The following NAALADL2 variants were observed in gnomAD, a reference collection of about 807,000 sequenced individuals.
The protein encoded by NAALADL2 is inactive N-acetylated-alpha-linked acidic dipeptidase-like protein 2.
A neutral mutation model predicts 87.2 loss-of-function variants in NAALADL2; 76 were observed. That is an observed-to-expected ratio of 0.87 (90% CI 0.72 to 1.05). The LOEUF (loss-of-function observed/expected upper bound fraction) is 1.05. NAALADL2 is among the 50% of genes least tolerant of loss of function. NAALADL2 has a pLI of 0.00. For missense variants in NAALADL2, 1,089 were observed against 945.8 expected (o/e 1.15, Z -1.99); for synonymous variants, 354 against 331.0 (o/e 1.07, Z -0.75).
At chr3:174,913,151 T>G (rs1442812148) in intron 1 of NAALADL2, among the ~76,000 whole-genome samples, 3 of 152,176 alleles carry the variant, frequency 2.0e-5, no homozygotes, top group African/African-American at 7.2e-5. Flanking sequence ...CTTATTGGTA[T>G]GAAAAAAGTT....
chr3:175,809,583 T>G lies in NAALADL2; in HGVS notation c.*6380T>G, dbSNP rs1463577621. The G allele has an allele frequency of 6.8e-6, 1 of 147,094 alleles. No homozygotes were observed. The highest frequency in any genetic ancestry group is 2.0e-4 in the East Asian group (1 of 4,970). The allele number at this position is 147,094 out of a possible 1,614,324, so 9.1% of individuals were successfully genotyped here. A position where few individuals can be genotyped will look rare whatever the true frequency, so the allele number is the denominator to read the frequency against. On this transcript the variant is annotated 3_prime_UTR_variant, in exon 14 of 14. Coordinates refer to ENST00000454872, the MANE Select transcript of NAALADL2 (RefSeq NM_207015.3). ...GGCATGTTGGTGTGCACCTTTGTAG[T>G]CCAGCTACTAGGGAGGCTGAGGCGG...
chr3:175,622,089 A>G (rs1726312539), intron 10 of NAALADL2, among the ~76,000 whole-genome samples: 1 of 152,208 alleles, frequency 6.6e-6, no homozygotes, highest in Non-Finnish European at 1.5e-5. Flanking sequence ...GTATAAATAC[A>G]TTTATTTTAT....
chr3:174,920,349 T>C (rs1036144195), intron 1 of NAALADL2, among the ~76,000 whole-genome samples: 2 of 152,250 alleles, frequency 1.3e-5, no homozygotes, highest in Non-Finnish European at 1.5e-5. Context: ...TAGGTAGATA[T>C]TCTGGATAAC....
At chr3:174,718,654 C>A (rs2108942984) in intron 2 of NAALADL2, among the ~76,000 whole-genome samples, 1 of 152,296 alleles carries the variant, frequency 6.6e-6, no homozygotes, top group East Asian at 1.9e-4. Flanking sequence ...AGAGATTAAG[C>A]AACTTACCTA....
At chr3:174,478,638 T>C (rs751113942) in intron 1 of NAALADL2, among the ~76,000 whole-genome samples, 29 of 152,142 alleles carry the variant, frequency 1.9e-4, no homozygotes, top group Admixed American at 4.6e-4. Flanking sequence ...TAACAATGAA[T>C]ATATTTTTCT....
chr3:175,492,945 T>C (rs1728307340), intron 9 of NAALADL2, among the ~76,000 whole-genome samples: 1 of 152,118 alleles, frequency 6.6e-6, no homozygotes, highest in Non-Finnish European at 1.5e-5. Flanking sequence ...TATGCTTTTA[T>C]TTACCTGGAA....
intron 10 of NAALADL2, among the ~76,000 whole-genome samples, chr3:175,608,458 A>T (rs1724092086): frequency 6.6e-6 from 1 of 151,828 alleles, no homozygotes; most frequent in African/African-American, 2.4e-5. Flanking sequence ...ATTGAACAGG[A>T]AATCCATTCT....
At chr3:175,728,777 C>G (rs1193867608) in intron 11 of NAALADL2, among the ~76,000 whole-genome samples, 2 of 152,168 alleles carry the variant, frequency 1.3e-5, no homozygotes, top group South Asian at 2.1e-4. Context: ...CTGCAGATCA[C>G]TGAATCATGG....
rs780525768 is a variant in NAALADL2, at chr3:175,233,919, AATTT to A, written c.546-7_546-4del. The A allele has an allele frequency of 4.6e-6, 7 of 1,516,838 alleles. No individual in the cohort carries two copies. Among genetic ancestry groups the A allele is most frequent in the African/African-American group, 1.4e-5 (1 of 71,768 alleles). 94.0% of individuals were successfully genotyped at this position (1,516,838 alleles called of 1,614,324 possible). On this transcript the variant is annotated splice_polypyrimidine_tract_variant and splice_region_variant and intron_variant, in intron 2 of 13. Transcript: ENST00000454872. ...CCTTTTTAAAAAAGTTTTCTTTTCA[AATTT>A]ATTTCAGAAATTTGGTACAACTATA...
chr3:175,061,851 G>A (rs2109085243), intron 1 of NAALADL2, among the ~76,000 whole-genome samples: 1 of 151,862 alleles, frequency 6.6e-6, no homozygotes, highest in South Asian at 2.1e-4. Flanking sequence ...ACTAAGGAAA[G>A]TCTTGCATTA....
At chr3:175,194,401 A>G (rs1175293759) in intron 2 of NAALADL2, among the ~76,000 whole-genome samples, 1 of 151,864 alleles carries the variant, frequency 6.6e-6, no homozygotes, top group Non-Finnish European at 1.5e-5. Context: ...AATCATCCCA[A>G]TCTAAGAACT....
rs17355214 is a variant in NAALADL2 at position 175,739,226 on chromosome 3, A to C, written c.1990+1827A>C. Reference sequence around the variant, plus strand: ...TACTGTCATTTTACATGCTAAAATCAATTTTTTAAACAATGGGGTTTATTC... The same window carrying C: ...TACTGTCATTTTACATGCTAAAATCCATTTTTTAAACAATGGGGTTTATTC... On this transcript the variant is annotated intron_variant, in intron 12 of 13. Coordinates refer to ENST00000454872, the MANE Select transcript of NAALADL2 (RefSeq NM_207015.3). Among the ~76,000 whole-genome samples the C allele has an allele frequency of 1.3e-3, 183 of 135,668 alleles. 2 individuals are homozygous for C. The highest frequency in any genetic ancestry group is 1.0e-2 in the Admixed American group (137 of 13,726). 89.0% of individuals were successfully genotyped at this position (135,668 alleles called of 152,430 possible). A position where few individuals can be genotyped will look rare whatever the true frequency, so the allele number is the denominator to read the frequency against.
At chr3:175,446,358 C>T (rs1240978916) in intron 5 of NAALADL2, among the ~76,000 whole-genome samples, 1 of 152,082 alleles carries the variant, frequency 6.6e-6, no homozygotes, top group Non-Finnish European at 1.5e-5. Flanking sequence ...TCTCCTGCCT[C>T]GGCCTCCTGA....
chr3:175,640,705 C>T lies in NAALADL2; in HGVS notation c.1896+13319C>T, dbSNP rs184901742. On this transcript the variant is annotated intron_variant, in intron 11 of 13. Coordinates refer to ENST00000454872, the MANE Select transcript of NAALADL2 (RefSeq NM_207015.3). ...CATTCATTTGAAGAATATATTTATTCTGTCACACAATCAATGTTTGATACA... is the reference window on the plus strand; with the variant it reads ...CATTCATTTGAAGAATATATTTATTTTGTCACACAATCAATGTTTGATACA... 4.6e-5 allele frequency among the ~76,000 whole-genome samples: 7 copies of T among 152,252 alleles called. No individual in the cohort carries two copies. In the East Asian group the frequency reaches 1.4e-3, roughly 29 times the overall value.
In NAALADL2 at chr3:175,243,321, A is replaced by AACACACACAC. The variant is rs113418317; in HGVS notation, c.819+9132_819+9141dup. On this transcript the variant is annotated intron_variant, in intron 3 of 13. Transcript: ENST00000454872. ...GTTTTGTTCTACCACTTTAGAAGGA[A>AACACACACAC]ACACACACACACACACACACACACG... Among the ~76,000 whole-genome samples the AACACACACAC allele has an allele frequency of 9.5e-3, 1,369 of 144,602 alleles. 9 individuals are homozygous for AACACACACAC. Among genetic ancestry groups the AACACACACAC allele is most frequent in the South Asian group, 0.031 (140 of 4,500 alleles). The allele number at this position is 144,602 out of a possible 152,430, so 94.9% of individuals were successfully genotyped here. A position where few individuals can be genotyped will look rare whatever the true frequency, so the allele number is the denominator to read the frequency against.
intron 1 of NAALADL2, among the ~76,000 whole-genome samples, chr3:174,888,612 G>A (rs1730491776): frequency 6.6e-6 from 1 of 152,206 alleles, no homozygotes; most frequent in Non-Finnish European, 1.5e-5. Flanking sequence ...GGTATCCGAG[G>A]AATCTGAAGT....
At chr3:174,584,887 C>T (rs1716539614) in intron 2 of NAALADL2, among the ~76,000 whole-genome samples, 1 of 152,150 alleles carries the variant, frequency 6.6e-6, no homozygotes, top group African/African-American at 2.4e-5. Flanking sequence ...TGATCAACTT[C>T]ACAATCTTCC....
intron 2 of NAALADL2, among the ~76,000 whole-genome samples, chr3:175,173,949 A>C (rs1350434476): frequency 1.7e-5 from 2 of 118,372 alleles, no homozygotes; most frequent in African/African-American, 3.0e-5. Flanking sequence ...GCTTTTAAGG[A>C]TGATTCTTCA....
intron 2 of NAALADL2, among the ~76,000 whole-genome samples, chr3:174,692,670 A>G (rs74653133): frequency 0.017 from 2,530 of 152,186 alleles, 63 homozygotes; most frequent in African/African-American, 0.058. Flanking sequence ...ATACTAGGAC[A>G]AATTACTAAG....
Sources: gnomAD v4.1 joint callset for allele counts (sites outside exome capture counted in the v4.1 genomes callset) on GRCh38, gnomAD v4.1.1 for gene constraint, MANE v1.5 for transcripts, NCBI Gene and HGNC (gene_info 2026-07-23, HGNC 2026-07-21) for gene names.